FGF12: variants seen among roughly 807,000 people sequenced by gnomAD.
FGF12 encodes the protein fibroblast growth factor 12B.
Under a neutral mutation model 23.6 loss-of-function variants are expected in FGF12, and 14 were observed. The ratio of observed to expected loss-of-function variants is 0.59; its 90% confidence interval spans 0.39 to 0.93. The LOEUF (loss-of-function observed/expected upper bound fraction) is 0.93. FGF12 is among the 40% of genes least tolerant of loss of function. The pLI, the probability that FGF12 is intolerant of heterozygous loss-of-function variation, is 0.00. For synonymous variants in FGF12, 62 were observed against 77.3 expected (o/e 0.80, Z 1.04); for missense variants, 175 against 217.8 (o/e 0.80, Z 1.24).
intron 2 of FGF12, among the ~76,000 whole-genome samples, chr3:192,545,534 C>T (rs66493131): frequency 0.2 from 30,570 of 152,184 alleles, 3,504 homozygotes; most frequent in Middle Eastern, 0.38. Flanking sequence ...CTGTGAATTA[C>T]GTCCCATAGC....
intron 4 of FGF12, among the ~76,000 whole-genome samples, chr3:192,228,814 A>G (rs1445491983): frequency 6.6e-6 from 1 of 152,108 alleles, no homozygotes; most frequent in Admixed American, 6.6e-5. Flanking sequence ...TAGTTACAGG[A>G]TTTAAGAAAT....
At chr3:192,727,115 C>T in intron 2 of FGF12, 66 bp downstream of exon 2, 1 of 1,546,056 alleles carries the variant, frequency 6.5e-7, no homozygotes, top group Non-Finnish European at 8.8e-7. Flanking sequence ...GCAGTCCCCT[C>T]GCCGAGGATT....
In FGF12 at chr3:192,544,231, G is replaced by A. The variant is rs1004909194; in HGVS notation, c.13+182950C>T. On this transcript the variant is annotated intron_variant, in intron 2 of 5. Transcript: ENST00000445105. ...AGCACACAGATTTTTTTTTCTCCAC[G>A]CCACAGAACTGCTGCTGGGGGGAGG... is the stretch of plus-strand genomic sequence containing the variant. Among the ~76,000 whole-genome samples the A allele has an allele frequency of 3.9e-5, 6 of 151,918 alleles. No individual in the cohort carries two copies. In the South Asian group the frequency reaches 8.3e-4, roughly 21 times the overall value.
At chr3:192,301,291 C>T (rs1715338405) in intron 4 of FGF12, among the ~76,000 whole-genome samples, 1 of 152,176 alleles carries the variant, frequency 6.6e-6, no homozygotes, top group Non-Finnish European at 1.5e-5. Context: ...ACCGAATACT[C>T]TCTTTATCTT....
intron 2 of FGF12, among the ~76,000 whole-genome samples, chr3:192,411,274 A>G (rs777527716): frequency 2.0e-5 from 3 of 152,200 alleles, no homozygotes; most frequent in African/African-American, 4.8e-5. Context: ...GGGGGCCTGG[A>G]CCTTCCAGGC....
intron 2 of FGF12, among the ~76,000 whole-genome samples, chr3:192,618,342 C>A (rs1714842323): frequency 6.6e-6 from 1 of 151,962 alleles, no homozygotes; most frequent in East Asian, 1.9e-4. Flanking sequence ...GGTCTCTAAG[C>A]TCAATGTGTA....
At chr3:192,415,154 T>C (rs908920612) in intron 2 of FGF12, among the ~76,000 whole-genome samples, 5 of 152,148 alleles carry the variant, frequency 3.3e-5, no homozygotes, top group Admixed American at 6.5e-5. Context: ...ACCTAGGAGA[T>C]GGTTGATACT....
chr3:192,619,835 T>G (rs1714904955), intron 2 of FGF12, among the ~76,000 whole-genome samples: 1 of 152,160 alleles, frequency 6.6e-6, no homozygotes, highest in Admixed American at 6.5e-5. Flanking sequence ...CAGGAAACCA[T>G]CTCCTGCTGG....
At position 192,400,382 on chromosome 3, in the gene FGF12, T is replaced by TC. The variant is rs1488184150; in HGVS notation, c.14-39845_14-39844insG. On this transcript the variant is annotated intron_variant, in intron 2 of 5. Coordinates refer to ENST00000445105, the MANE Select transcript of FGF12 (RefSeq NM_004113.6). ...TCACATTCTTTTCTTTTTTTTTTTTTTTTTGAGACTGAGTCTCGCCATGTG... is the reference window on the plus strand; with the variant it reads ...TCACATTCTTTTCTTTTTTTTTTTTTCTTTTGAGACTGAGTCTCGCCATGTG... 7.3e-5 allele frequency among the ~76,000 whole-genome samples: 11 copies of TC among 150,658 alleles called. No individual in the cohort carries two copies. The South Asian group carries it at 2.3e-3, about 32-fold the overall frequency.
At chr3:192,255,462 C>T (rs980139521) in intron 4 of FGF12, among the ~76,000 whole-genome samples, 3 of 151,672 alleles carry the variant, frequency 2.0e-5, no homozygotes, top group Admixed American at 6.6e-5. Context: ...TGTTATGGTA[C>T]CTAGAAAGTT....
chr3:192,561,075 A>T (rs1711998197), intron 2 of FGF12, among the ~76,000 whole-genome samples: 2 of 152,164 alleles, frequency 1.3e-5, no homozygotes, highest in South Asian at 4.1e-4. Flanking sequence ...GACTCCATTT[A>T]TCTGATATGC....
chr3:192,413,076 T>C (rs1371030224), intron 2 of FGF12, among the ~76,000 whole-genome samples: 1 of 152,228 alleles, frequency 6.6e-6, no homozygotes, highest in East Asian at 1.9e-4. Flanking sequence ...TCTATGTTTT[T>C]GGGCTCTAGT....
chr3:192,660,882 G>C (rs1275618925), intron 2 of FGF12, among the ~76,000 whole-genome samples: 1 of 151,456 alleles, frequency 6.6e-6, no homozygotes, highest in Non-Finnish European at 1.5e-5. Flanking sequence ...TAAACATTTG[G>C]GGGTGGGGGT....
chr3:192,246,978 G>C (rs761865340), intron 4 of FGF12, among the ~76,000 whole-genome samples: 17 of 148,682 alleles, frequency 1.1e-4, no homozygotes, highest in Non-Finnish European at 2.2e-4. Context: ...GGGAGAAAAG[G>C]CAGGGAAGGA....
At chr3:192,567,769 CTTTCTTTCT>C (rs1303516258) in intron 2 of FGF12, among the ~76,000 whole-genome samples, 1 of 133,470 alleles carries the variant, frequency 7.5e-6, no homozygotes. Context: ...TTCTTTCTTT[CTTTCTTTCT>C]TTCTTTCTTT....
chr3:192,613,386 A>G (rs1339338165), intron 2 of FGF12, among the ~76,000 whole-genome samples: 1 of 151,864 alleles, frequency 6.6e-6, no homozygotes, highest in East Asian at 1.9e-4. Flanking sequence ...GCTCTGTTTT[A>G]TTTTCTGGAA....
chr3:192,532,250 T>C (rs919344212), intron 2 of FGF12, among the ~76,000 whole-genome samples: 1 of 152,150 alleles, frequency 6.6e-6, no homozygotes. Flanking sequence ...TTTGGTTCCA[T>C]ATGAATTTTA....
At chr3:192,392,790 A>G (rs1404005790) in intron 2 of FGF12, among the ~76,000 whole-genome samples, 1 of 152,196 alleles carries the variant, frequency 6.6e-6, no homozygotes, top group Non-Finnish European at 1.5e-5. Context: ...TAGACAGATT[A>G]TAAGTAGACA....
At chr3:192,452,837 C>A (rs757350720) in intron 2 of FGF12, among the ~76,000 whole-genome samples, 5 of 152,222 alleles carry the variant, frequency 3.3e-5, no homozygotes, top group Non-Finnish European at 7.3e-5. Context: ...TTCTCTCTAG[C>A]TGCTCCTAAG....
Sources: allele counts gnomAD v4.1 joint callset (sites outside exome capture counted in the v4.1 genomes callset), GRCh38; gene constraint gnomAD v4.1.1; transcripts MANE v1.5; gene names NCBI Gene and HGNC (gene_info 2026-07-23, HGNC 2026-07-21).